Variants in GAS2 observed in about 807,000 individuals in gnomAD.
The protein encoded by GAS2 is growth arrest-specific protein 2.
In GAS2, 20 loss-of-function variants were observed where a neutral mutation model predicts 37.5. The observed-to-expected ratio is 0.53, with a 90% CI of 0.37 to 0.77. The LOEUF is 0.77. GAS2 is among the 30% of genes least tolerant of loss of function. GAS2 has a pLI of 0.00. For synonymous variants in GAS2, 144 were observed against 132.2 expected, an observed-to-expected ratio of 1.09 and a Z score of -0.61; for missense variants, 336 against 373.4, an observed-to-expected ratio of 0.90 and a Z score of 0.82.
chr11:22,730,950 A>G (rs920424791), intron 4 of GAS2, among the ~76,000 whole-genome samples: 2 of 151,774 alleles, frequency 1.3e-5, no homozygotes, highest in African/African-American at 4.8e-5. Flanking sequence ...GAGTGTTTTT[A>G]TGGGGCTAAG....
chr11:22,779,051 T>TG (rs1230817332), intron 7 of GAS2, among the ~76,000 whole-genome samples: 2 of 151,856 alleles, frequency 1.3e-5, no homozygotes, highest in African/African-American at 4.8e-5. Flanking sequence ...TTTTGTTTTT[T>TG]TTTTTTTCTC....
At chr11:22,673,878 A>G (rs781287545) in intron 1 of GAS2, among the ~76,000 whole-genome samples, 12 of 152,264 alleles carry the variant, frequency 7.9e-5, no homozygotes, top group Non-Finnish European at 1.5e-4. Context: ...CCTTGTTTTT[A>G]TAGATGTAAG....
At chr11:22,770,255 G>A (rs1312635254) in intron 7 of GAS2, among the ~76,000 whole-genome samples, 2 of 152,148 alleles carry the variant, frequency 1.3e-5, no homozygotes, top group South Asian at 2.1e-4. Flanking sequence ...CATGGCACAC[G>A]TATACCTATG....
At chr11:22,790,005 T>C (rs889668526) in intron 7 of GAS2, among the ~76,000 whole-genome samples, 1 of 152,168 alleles carries the variant, frequency 6.6e-6, no homozygotes, top group Admixed American at 6.5e-5. Context: ...GACAACATAT[T>C]TGGTAAGCAC....
chr11:22,727,242 C>G (rs1852259702), intron 4 of GAS2, among the ~76,000 whole-genome samples: 1 of 151,940 alleles, frequency 6.6e-6, no homozygotes, highest in African/African-American at 2.4e-5. Context: ...AAAATGCAAC[C>G]AAATTGAGAA....
chr11:22,770,808 A>T (rs1250152741), intron 7 of GAS2, among the ~76,000 whole-genome samples: 2 of 152,178 alleles, frequency 1.3e-5, no homozygotes, highest in African/African-American at 4.8e-5. Flanking sequence ...GTCGTTCAAA[A>T]AGCTTTTCTT....
At chr11:22,772,480 T>G (rs531482376) in intron 7 of GAS2, among the ~76,000 whole-genome samples, 1 of 152,318 alleles carries the variant, frequency 6.6e-6, no homozygotes, top group Non-Finnish European at 1.5e-5. Context: ...GGTGTGTGTA[T>G]TGGACTAGAG....
chr11:22,746,049 G>A (rs148257258), intron 5 of GAS2, among the ~76,000 whole-genome samples: 6 of 152,218 alleles, frequency 3.9e-5, no homozygotes, highest in Admixed American at 3.3e-4. Context: ...AGGCATGGTG[G>A]CATCTGCCTG....
chr11:22,642,244 A>G (rs945803217), intron 1 of GAS2, among the ~76,000 whole-genome samples: 6 of 152,180 alleles, frequency 3.9e-5, no homozygotes, highest in African/African-American at 1.4e-4. Flanking sequence ...GCTCTCTACA[A>G]CAGTGGCAGA....
At chr11:22,710,955 G>A (rs1384176246) in intron 3 of GAS2, among the ~76,000 whole-genome samples, 2 of 152,142 alleles carry the variant, frequency 1.3e-5, no homozygotes, top group Admixed American at 1.3e-4. Context: ...AGGAAAAGTG[G>A]CAGATAAGAG....
At chr11:22,673,656 C>A (rs1313598590) in intron 1 of GAS2, among the ~76,000 whole-genome samples, 1 of 152,134 alleles carries the variant, frequency 6.6e-6, no homozygotes, top group Non-Finnish European at 1.5e-5. Flanking sequence ...CCTGTAATCC[C>A]AGCATTTTGG....
In GAS2 at chr11:22,768,541, T is replaced by A. The variant is rs576697043; in HGVS notation, c.723+12588T>A. On this transcript the variant is annotated intron_variant, in intron 7 of 7. Coordinates refer to ENST00000454584, the MANE Select transcript of GAS2 (RefSeq NM_001143830.3). ...CTTCTCTCTAGGCCAGAGTACTTGA[T>A]GATCTAGTTTATGTTATAGGCAAGT... 9.2e-5 allele frequency among the ~76,000 whole-genome samples: 14 copies of A among 152,354 alleles called. No individual in the cohort carries two copies. The South Asian group carries it at 2.7e-3, about 29-fold the overall frequency.
At chr11:22,740,097 C>T (rs1023843869) in intron 5 of GAS2, among the ~76,000 whole-genome samples, 20 of 152,232 alleles carry the variant, frequency 1.3e-4, no homozygotes, top group African/African-American at 4.6e-4. Context: ...ATCACCTTTC[C>T]TCCAGCTCCG....
intron 4 of GAS2, among the ~76,000 whole-genome samples, chr11:22,727,605 A>C (rs1239795513): frequency 3.3e-5 from 5 of 151,992 alleles, no homozygotes; most frequent in African/African-American, 1.2e-4. Flanking sequence ...AGCCTGGGGG[A>C]ATATGCTAGA....
At chr11:22,776,922 A>C (rs1855289054) in intron 7 of GAS2, among the ~76,000 whole-genome samples, 1 of 152,176 alleles carries the variant, frequency 6.6e-6, no homozygotes, top group African/African-American at 2.4e-5. Context: ...CTGGCCTCTC[A>C]GCTTGGCATT....
At chr11:22,691,945 A>C (rs1850265395) in intron 3 of GAS2, among the ~76,000 whole-genome samples, 1 of 152,170 alleles carries the variant, frequency 6.6e-6, no homozygotes, top group Admixed American at 6.6e-5. Context: ...GAGACAATGA[A>C]ATGTCTTGCT....
intron 7 of GAS2, among the ~76,000 whole-genome samples, chr11:22,769,340 T>G (rs868149626): frequency 6.6e-6 from 1 of 152,218 alleles, no homozygotes; most frequent in Non-Finnish European, 1.5e-5. Context: ...CTTGAAGAAT[T>G]TATTTATCTC....
chr11:22,706,328 T>G (rs1002381773), intron 3 of GAS2, among the ~76,000 whole-genome samples: 1 of 115,204 alleles, frequency 8.7e-6, no homozygotes, highest in Non-Finnish European at 1.7e-5. Context: ...AAGTAGACGG[T>G]TTTTTTTTTT....
At chr11:22,789,712 G>A (rs1046569610) in intron 7 of GAS2, among the ~76,000 whole-genome samples, 1 of 151,392 alleles carries the variant, frequency 6.6e-6, no homozygotes, top group Non-Finnish European at 1.5e-5. Flanking sequence ...TGATCCGCCC[G>A]CCTTGGCCTC....
Sources: gnomAD v4.1 joint callset for allele counts (sites outside exome capture counted in the v4.1 genomes callset) on GRCh38, gnomAD v4.1.1 for gene constraint, MANE v1.5 for transcripts, NCBI Gene and HGNC (gene_info 2026-07-23, HGNC 2026-07-21) for gene names.